Variants in KIF16B observed in about 807,000 individuals in gnomAD.
KIF16B encodes kinesin-like protein KIF16B.
In KIF16B, 98 loss-of-function variants were observed where a neutral mutation model predicts 156.3. That is an observed-to-expected ratio of 0.63 (90% confidence interval 0.53 to 0.74). The LOEUF is 0.74. Among genes scored for constraint, KIF16B ranks in the 30% least tolerant of loss-of-function variants. The pLI is 0.00. For synonymous variants in KIF16B, 564 were observed against 583.7 expected, an observed-to-expected ratio of 0.97 and a Z score of 0.49; for missense variants, 1,421 against 1,606.5, an observed-to-expected ratio of 0.88 and a Z score of 1.97.
intron 12 of KIF16B, among the ~76,000 whole-genome samples, chr20:16,467,361 A>ACAGCTCC (rs2146722675): frequency 6.6e-6 from 1 of 152,282 alleles, no homozygotes; most frequent in South Asian, 2.1e-4. Flanking sequence ...TACCCAGTAC[A>ACAGCTCC]TCATGACCAC....
chr20:16,402,895 A>G (rs2065690064), intron 17 of KIF16B, among the ~76,000 whole-genome samples: 1 of 152,202 alleles, frequency 6.6e-6, no homozygotes, highest in South Asian at 2.1e-4. Context: ...TAAAAACTAA[A>G]AACAAAAAAT....
intron 25 of KIF16B, among the ~76,000 whole-genome samples, chr20:16,311,850 T>C (rs1393031202): frequency 6.6e-6 from 1 of 152,216 alleles, no homozygotes; most frequent in African/African-American, 2.4e-5. Flanking sequence ...ACCAGAGTTC[T>C]ACATGTAGTT....
intron 15 of KIF16B, among the ~76,000 whole-genome samples, chr20:16,420,433 C>G (rs1328267350): frequency 2.0e-5 from 3 of 152,054 alleles, no homozygotes; most frequent in African/African-American, 4.8e-5. Context: ...TTTAATGGGA[C>G]AGCCTAAATA....
intron 12 of KIF16B, among the ~76,000 whole-genome samples, chr20:16,491,161 C>T (rs189681321): frequency 2.4e-4 from 36 of 152,232 alleles, no homozygotes; most frequent in Non-Finnish European, 3.5e-4. Flanking sequence ...AAAGGGGACA[C>T]ATCCTGAATG....
chr20:16,311,996 A>G (rs2063625945), intron 25 of KIF16B, among the ~76,000 whole-genome samples: 1 of 152,222 alleles, frequency 6.6e-6, no homozygotes, highest in African/African-American at 2.4e-5. Context: ...ATTAATTCCA[A>G]GTTTTTGCAG....
At chr20:16,525,125 T>C (rs2069493164) in intron 3 of KIF16B, among the ~76,000 whole-genome samples, 1 of 152,092 alleles carries the variant, frequency 6.6e-6, no homozygotes, top group Non-Finnish European at 1.5e-5. Flanking sequence ...TGTATACCTA[T>C]GTAACAAATC....
At chr20:16,554,326 C>G (rs909650994) in intron 1 of KIF16B, among the ~76,000 whole-genome samples, 2 of 152,142 alleles carry the variant, frequency 1.3e-5, no homozygotes, top group South Asian at 2.1e-4. Flanking sequence ...TGCCAGCTGC[C>G]GAGAGGATTT....
chr20:16,437,120 T>C (rs987491505), intron 12 of KIF16B, among the ~76,000 whole-genome samples: 2 of 152,220 alleles, frequency 1.3e-5, no homozygotes, highest in Non-Finnish European at 2.9e-5. Context: ...TTATACTGTA[T>C]TGTTCAGGGA....
In KIF16B at chr20:16,502,431, G is replaced by A. The variant is rs191143982; in HGVS notation, c.1176+1941C>T. 9.9e-5 allele frequency among the ~76,000 whole-genome samples: 15 copies of A among 152,182 alleles called. No individual in the cohort carries two copies. In the East Asian group the frequency reaches 1.2e-3, roughly 12 times the overall value. On this transcript the variant is annotated intron_variant, in intron 10 of 25. Transcript: ENST00000354981. ...AAAACAATTTACAGCTTCATAGCAC[G>A]ATAAATTATTTTAAATTGGATTCAC...
At chr20:16,367,859 C>A (rs367969659) in intron 22 of KIF16B, 1 of 1,581,556 alleles carries the variant, frequency 6.3e-7, no homozygotes, top group African/African-American at 1.3e-5. Context: ...TAACTGAATA[C>A]AGTGAGCAGA....
chr20:16,317,541 A>T (rs973024909), intron 24 of KIF16B, among the ~76,000 whole-genome samples: 3 of 152,256 alleles, frequency 2.0e-5, no homozygotes, highest in Non-Finnish European at 4.4e-5. Flanking sequence ...TCATGTTGAA[A>T]AGCGTGACTG....
intron 12 of KIF16B, among the ~76,000 whole-genome samples, chr20:16,467,793 A>C (rs2067536745): frequency 6.6e-6 from 1 of 152,060 alleles, no homozygotes. Flanking sequence ...ATAAAGAGAC[A>C]ACACTGGAAA....
chr20:16,318,700 AAAAAT>A (rs1479279178), intron 24 of KIF16B, among the ~76,000 whole-genome samples: 1 of 152,264 alleles, frequency 6.6e-6, no homozygotes, highest in African/African-American at 2.4e-5. Flanking sequence ...ATTCACTTTG[AAAAAT>A]AAAATAAAGT....
intron 2 of KIF16B, among the ~76,000 whole-genome samples, chr20:16,526,837 C>A (rs6044073): frequency 2.6e-5 from 4 of 152,060 alleles, no homozygotes. Flanking sequence ...TGGACATATG[C>A]TGAATAACTT....
In KIF16B at chr20:16,366,830, C is replaced by T. The variant is rs559268995; in HGVS notation, c.3498+3756G>A. The T allele has an allele frequency of 1.3e-4, 143 of 1,062,232 alleles. No individual in the cohort carries two copies. The South Asian group carries it at 1.7e-3, about 13-fold the overall frequency. The allele number at this position is 1,062,232 out of a possible 1,614,324, so 65.8% of individuals were successfully genotyped here. On this transcript the variant is annotated intron_variant, in intron 22 of 25. Coordinates refer to ENST00000354981, the MANE Select transcript of KIF16B (RefSeq NM_024704.5). ...GATTCCAAGCCACCACACTATAAATCGACACGAAAACAAACAATCAGAAAT... is the reference window on the plus strand; with the variant it reads ...GATTCCAAGCCACCACACTATAAATTGACACGAAAACAAACAATCAGAAAT...
chr20:16,311,764 A>G (rs2063622804), intron 25 of KIF16B, among the ~76,000 whole-genome samples: 1 of 152,232 alleles, frequency 6.6e-6, no homozygotes. Context: ...ATCCCAAAAA[A>G]GAAATACAAA....
chr20:16,475,577 G>A (rs1293316869), intron 12 of KIF16B, among the ~76,000 whole-genome samples: 1 of 152,200 alleles, frequency 6.6e-6, no homozygotes, highest in Non-Finnish European at 1.5e-5. Flanking sequence ...CCAACGCAGA[G>A]GTTACTTGGC....
At chr20:16,277,751 A>C (rs1263499642) in intron 25 of KIF16B, among the ~76,000 whole-genome samples, 1 of 152,184 alleles carries the variant, frequency 6.6e-6, no homozygotes, top group African/African-American at 2.4e-5. Context: ...AGTTTAAGTG[A>C]CTTATCCAGG....
At chr20:16,335,746 A>G (rs2064024246) in intron 24 of KIF16B, among the ~76,000 whole-genome samples, 180 bp downstream of exon 24, 1 of 152,230 alleles carries the variant, frequency 6.6e-6, no homozygotes, top group Non-Finnish European at 1.5e-5. Flanking sequence ...AAATGGAACA[A>G]AGAAGAAAAA....
Sources: allele counts gnomAD v4.1 joint callset (sites outside exome capture counted in the v4.1 genomes callset), GRCh38; gene constraint gnomAD v4.1.1; transcripts MANE v1.5; gene names NCBI Gene and HGNC (gene_info 2026-07-23, HGNC 2026-07-21).